CLSTN2: variants seen among roughly 807,000 people sequenced by gnomAD.
The protein encoded by CLSTN2 is calsyntenin 2.
A neutral mutation model predicts 101.2 loss-of-function variants in CLSTN2; 48 were observed. The ratio of observed to expected loss-of-function variants is 0.47; its 90% confidence interval spans 0.38 to 0.60. The LOEUF (loss-of-function observed/expected upper bound fraction) is 0.60, where lower values mean the gene tolerates loss of function less well. CLSTN2 is among the 20% of genes least tolerant of loss of function. CLSTN2 has a pLI of 0.00. For synonymous variants in CLSTN2, 481 were observed against 463.6 expected, an observed-to-expected ratio of 1.04 and a Z score of -0.48; for missense variants, 1,160 against 1,238.2, an observed-to-expected ratio of 0.94 and a Z score of 0.95.
intron 8 of CLSTN2, among the ~76,000 whole-genome samples, chr3:140,487,055 G>A (rs989584489): frequency 3.9e-5 from 6 of 152,152 alleles, no homozygotes; most frequent in African/African-American, 7.2e-5. Flanking sequence ...CCAAGGAGTC[G>A]AGAGGAATAC....
At chr3:140,195,764 A>T (rs970624593) in intron 2 of CLSTN2, among the ~76,000 whole-genome samples, 3 of 152,204 alleles carry the variant, frequency 2.0e-5, no homozygotes, top group African/African-American at 7.2e-5. Context: ...GAGCTTGTGA[A>T]TTTTACTTGA....
chr3:140,135,953 T>A (rs559393199), intron 1 of CLSTN2, among the ~76,000 whole-genome samples: 4 of 152,314 alleles, frequency 2.6e-5, no homozygotes, highest in Non-Finnish European at 4.4e-5. Context: ...CTTGGAGCAT[T>A]AATATGAGTA....
intron 2 of CLSTN2, among the ~76,000 whole-genome samples, chr3:140,338,534 G>A (rs2087463406): frequency 6.6e-6 from 1 of 151,796 alleles, no homozygotes; most frequent in Admixed American, 6.6e-5. Context: ...CAGAAGGAAT[G>A]AAATTGGGAA....
intron 2 of CLSTN2, among the ~76,000 whole-genome samples, chr3:140,327,762 T>C (rs1428398115): frequency 1.3e-5 from 2 of 152,238 alleles, no homozygotes; most frequent in Non-Finnish European, 1.5e-5. Context: ...ATGAGTACCA[T>C]GCACTTGATA....
chr3:140,379,943 CT>C (rs1404413481), intron 2 of CLSTN2, among the ~76,000 whole-genome samples: 1 of 152,000 alleles, frequency 6.6e-6, no homozygotes, highest in African/African-American at 2.4e-5. Flanking sequence ...ATTACCATTC[CT>C]TTTTTGCCTT....
chr3:140,044,135 A>G (rs2007819397), intron 1 of CLSTN2, among the ~76,000 whole-genome samples: 3 of 152,092 alleles, frequency 2.0e-5, no homozygotes, highest in Non-Finnish European at 4.4e-5. Context: ...GGCCATTTTC[A>G]CGATATTGAT....
chr3:140,572,555 A>C lies in CLSTN2; in HGVS notation c.*6302A>C, dbSNP rs1985589312. 6.6e-6 allele frequency: 1 copy of C among 152,264 alleles called. No homozygotes were observed. Among genetic ancestry groups the C allele is most frequent in the South Asian group, 2.1e-4 (1 of 4,830 alleles). 9.4% of individuals were successfully genotyped at this position (152,264 alleles called of 1,614,324 possible). ...GCCCAACATCAGAGCTGAAGATCTAAGGAGGGCCCACCTCCACGAGACCTG... is the reference window on the plus strand; with the variant it reads ...GCCCAACATCAGAGCTGAAGATCTACGGAGGGCCCACCTCCACGAGACCTG... On this transcript the variant is annotated 3_prime_UTR_variant, in exon 17 of 17. Coordinates refer to ENST00000458420, the MANE Select transcript of CLSTN2 (RefSeq NM_022131.3).
At chr3:139,990,703 C>T (rs1293172317) in intron 1 of CLSTN2, among the ~76,000 whole-genome samples, 1 of 152,226 alleles carries the variant, frequency 6.6e-6, no homozygotes, top group Non-Finnish European at 1.5e-5. Context: ...TCATGTGACA[C>T]AGATAGGCTA....
intron 4 of CLSTN2, 51 bp from the exon 5 acceptor site, chr3:140,421,074 C>T (rs774137011): frequency 3.8e-6 from 6 of 1,580,480 alleles, no homozygotes; most frequent in Non-Finnish European, 2.6e-6. Context: ...GGGAGAAGTA[C>T]AAGTGCAGTT....
intron 2 of CLSTN2, among the ~76,000 whole-genome samples, chr3:140,270,459 G>C (rs72990170): frequency 6.6e-6 from 1 of 152,072 alleles, no homozygotes; most frequent in Non-Finnish European, 1.5e-5. Context: ...GGTGTCTGCC[G>C]TCCGGTTGTT....
intron 1 of CLSTN2, among the ~76,000 whole-genome samples, chr3:139,975,793 G>T (rs1046203823): frequency 2.6e-5 from 4 of 152,160 alleles, no homozygotes; most frequent in African/African-American, 9.7e-5. Flanking sequence ...GCAGTGAATG[G>T]ATGCTCTCTG....
Position 139,935,301 on chromosome 3 carries a change from C to T in CLSTN2, c.-74C>T. The stretch of plus-strand genomic sequence containing the variant: ...GGGCACGGCGAGGCGGCCCACGGTG[C>T]GGCAGGCACCGGGAGGCGAGAGCCG... On this transcript the variant is annotated 5_prime_UTR_variant, in exon 1 of 17. Transcript: ENST00000458420. The surrounding 1 kb of genome is among the most constrained non-coding windows in gnomAD (Gnocchi z 5.5). 1 of 795,508 alleles carries T rather than the reference C, an allele frequency of 1.3e-6. No individual in the cohort carries two copies. The highest frequency in any genetic ancestry group is 1.7e-6 in the Non-Finnish European group (1 of 594,414). 49.3% of individuals were successfully genotyped at this position (795,508 alleles called of 1,614,324 possible). A position where few individuals can be genotyped will look rare whatever the true frequency, so the allele number is the denominator to read the frequency against.
intron 1 of CLSTN2, among the ~76,000 whole-genome samples, chr3:139,954,985 T>C (rs542671874): frequency 1.3e-5 from 2 of 151,492 alleles, no homozygotes; most frequent in Non-Finnish European, 2.9e-5. Flanking sequence ...TTTTACTTTT[T>C]TGACAGCCAA....
intron 1 of CLSTN2, among the ~76,000 whole-genome samples, chr3:140,059,932 C>T (rs2008170110): frequency 6.6e-6 from 1 of 152,134 alleles, no homozygotes; most frequent in Admixed American, 6.5e-5. Context: ...AGAATAACAT[C>T]CTAATACACC....
chr3:140,448,209 CTGTGTGTG>C (rs55857773), intron 5 of CLSTN2, among the ~76,000 whole-genome samples: 13 of 148,406 alleles, frequency 8.8e-5, no homozygotes, highest in African/African-American at 3.2e-4. Context: ...GAGGGTGTGA[CTGTGTGTG>C]TGTGTGTGTG....
chr3:140,105,167 C>A (rs970691584), intron 1 of CLSTN2, among the ~76,000 whole-genome samples: 1 of 152,182 alleles, frequency 6.6e-6, no homozygotes, highest in Non-Finnish European at 1.5e-5. Flanking sequence ...TCTTTAAATT[C>A]ATCCTCTTAT....
intron 2 of CLSTN2, among the ~76,000 whole-genome samples, chr3:140,218,981 G>A (rs1167370546): frequency 6.6e-6 from 1 of 152,130 alleles, no homozygotes; most frequent in African/African-American, 2.4e-5. Flanking sequence ...TCATACACGA[G>A]GTTGTTATAG....
In CLSTN2 at chr3:140,153,420, C is replaced by T. The variant is rs567736714; in HGVS notation, c.110-22531C>T. Among the ~76,000 whole-genome samples, 17 of 152,384 alleles carry T rather than the reference C, an allele frequency of 1.1e-4. No individual in the cohort carries two copies. In the East Asian group the frequency reaches 3.3e-3, roughly 29 times the overall value. The stretch of plus-strand genomic sequence containing the variant: ...GGAGCTGTGGCTTGGGCATTCTGCC[C>T]AGCAGCAGTGCAGAGCAGGGCTTCC... On this transcript the variant is annotated intron_variant, in intron 1 of 16. Coordinates refer to ENST00000458420, the MANE Select transcript of CLSTN2 (RefSeq NM_022131.3).
chr3:140,107,664 G>T (rs959772396), intron 1 of CLSTN2, among the ~76,000 whole-genome samples: 2 of 152,242 alleles, frequency 1.3e-5, no homozygotes, highest in Admixed American at 6.5e-5. Flanking sequence ...CCCTCTTCAT[G>T]TGCAGTCCAT....
Sources: allele counts gnomAD v4.1 joint callset (sites outside exome capture counted in the v4.1 genomes callset), GRCh38; gene constraint gnomAD v4.1.1; non-coding constraint Gnocchi (gnomAD v3.1); transcripts MANE v1.5; gene names NCBI Gene and HGNC (gene_info 2026-07-23, HGNC 2026-07-21).